The following CCSER1 variants were observed in gnomAD, a reference collection of about 807,000 sequenced individuals.
CCSER1 encodes serine-rich coiled-coil domain-containing protein 1.
In CCSER1, 41 loss-of-function variants were observed where a neutral mutation model predicts 82.0. That is an observed-to-expected ratio of 0.50 (90% confidence interval 0.39 to 0.65). The LOEUF (loss-of-function observed/expected upper bound fraction) is 0.65. Among genes scored for constraint, CCSER1 ranks in the 30% least tolerant of loss-of-function variants. The pLI, the probability that CCSER1 is intolerant of heterozygous loss-of-function variation, is 0.00. For missense variants in CCSER1, 1,119 were observed against 1,064.2 expected, an observed-to-expected ratio of 1.05 and a Z score of -0.72; for synonymous variants, 414 against 383.9, an observed-to-expected ratio of 1.08 and a Z score of -0.92.
chr4:90,311,066 G>A (rs1735203279), intron 2 of CCSER1, among the ~76,000 whole-genome samples: 1 of 151,884 alleles, frequency 6.6e-6, no homozygotes, highest in Non-Finnish European at 1.5e-5. Context: ...GCCCAAAAAT[G>A]TACTAAGAAG....
At chr4:91,173,233 C>T (rs979509102) in intron 10 of CCSER1, among the ~76,000 whole-genome samples, 1 of 152,038 alleles carries the variant, frequency 6.6e-6, no homozygotes, top group African/African-American at 2.4e-5. Context: ...CAAATGTTTG[C>T]CCAAATGATT....
At chr4:91,247,079 A>G (rs1739849920) in intron 10 of CCSER1, among the ~76,000 whole-genome samples, 1 of 151,934 alleles carries the variant, frequency 6.6e-6, no homozygotes, top group Non-Finnish European at 1.5e-5. Context: ...AGGCGGGTGG[A>G]TCACGAGGTC....
At chr4:91,588,434 T>A (rs891854927) in intron 10 of CCSER1, among the ~76,000 whole-genome samples, 1 of 151,676 alleles carries the variant, frequency 6.6e-6, no homozygotes, top group African/African-American at 2.4e-5. Flanking sequence ...AATTCTATGC[T>A]TCTTTAAAAA....
intron 5 of CCSER1, among the ~76,000 whole-genome samples, chr4:90,518,999 A>G (rs1257818761): frequency 1.3e-5 from 2 of 151,920 alleles, no homozygotes; most frequent in Admixed American, 1.3e-4. Flanking sequence ...TAGGATGATA[A>G]GTAGAATTAT....
intron 9 of CCSER1, among the ~76,000 whole-genome samples, chr4:90,975,894 T>C (rs1297601623): frequency 6.6e-6 from 1 of 151,232 alleles, no homozygotes; most frequent in Non-Finnish European, 1.5e-5. Context: ...TTTATTGTTA[T>C]TATATTCCCA....
intron 10 of CCSER1, among the ~76,000 whole-genome samples, chr4:91,515,868 T>C (rs80143474): frequency 2.9e-5 from 4 of 137,492 alleles, no homozygotes; most frequent in Admixed American, 7.1e-5. Context: ...CATCTCTTTT[T>C]TTTTTTTTTT....
chr4:90,241,788 A>G (rs1201021535), intron 1 of CCSER1, among the ~76,000 whole-genome samples: 1 of 152,238 alleles, frequency 6.6e-6, no homozygotes, highest in Non-Finnish European at 1.5e-5. Flanking sequence ...AGAAACTAAT[A>G]CTTAAGTACA....
At chr4:91,356,994 G>A (rs1748881024) in intron 10 of CCSER1, among the ~76,000 whole-genome samples, 1 of 152,112 alleles carries the variant, frequency 6.6e-6, no homozygotes, top group Non-Finnish European at 1.5e-5. Context: ...CCTGCCATGT[G>A]CACAAGCATA....
At chr4:90,480,477 C>G (rs1412332289) in intron 5 of CCSER1, among the ~76,000 whole-genome samples, 1 of 152,070 alleles carries the variant, frequency 6.6e-6, no homozygotes, top group Admixed American at 6.6e-5. Context: ...AATGGTATTG[C>G]CTAGGTTTTC....
intron 10 of CCSER1, among the ~76,000 whole-genome samples, chr4:91,203,722 C>G (rs550517225): frequency 4.6e-5 from 7 of 151,834 alleles, no homozygotes; most frequent in Admixed American, 2.0e-4. Context: ...AAAGTGATAT[C>G]TGAGAAGAAA....
At chr4:91,421,119 G>A (rs921423119) in intron 10 of CCSER1, among the ~76,000 whole-genome samples, 3 of 152,158 alleles carry the variant, frequency 2.0e-5, no homozygotes, top group Non-Finnish European at 4.4e-5. Context: ...TAAGTTCTGG[G>A]GATCACAGCT....
In CCSER1 at chr4:90,942,949, C is replaced by CATAT. The variant is rs35680938; in HGVS notation, c.2172+19515_2172+19518dup. On this transcript the variant is annotated intron_variant, in intron 9 of 10. Transcript: ENST00000509176. The stretch of plus-strand genomic sequence containing the variant: ...ATTATATAATTTTTAAATTATTTTT[C>CATAT]ATATATATATATATATTAAAGGAAG... 7.3e-4 allele frequency among the ~76,000 whole-genome samples: 106 copies of CATAT among 145,136 alleles called. 1 individual carries two copies. Among genetic ancestry groups the CATAT allele is most frequent in the African/African-American group, 9.2e-4 (37 of 40,026 alleles).
intron 6 of CCSER1, among the ~76,000 whole-genome samples, chr4:90,652,181 G>A (rs1317082502): frequency 6.6e-6 from 1 of 152,022 alleles, no homozygotes; most frequent in African/African-American, 2.4e-5. Context: ...TTTTAAAATT[G>A]TAGGTGTATA....
At chr4:91,183,304 G>A (rs925302270) in intron 10 of CCSER1, among the ~76,000 whole-genome samples, 3 of 151,890 alleles carry the variant, frequency 2.0e-5, no homozygotes, top group African/African-American at 7.3e-5. Context: ...CCGTTTTTGA[G>A]CTGAAGGATA....
At chr4:91,018,403 A>G (rs1346321960) in intron 9 of CCSER1, among the ~76,000 whole-genome samples, 1 of 152,104 alleles carries the variant, frequency 6.6e-6, no homozygotes. Context: ...CATTTGTACT[A>G]CTAAGCTTCC....
chr4:90,842,854 C>A (rs1463073163), intron 8 of CCSER1, among the ~76,000 whole-genome samples: 5 of 151,994 alleles, frequency 3.3e-5, no homozygotes, highest in Non-Finnish European at 5.9e-5. Flanking sequence ...GTCATTCTTG[C>A]ATTATTAATG....
intron 9 of CCSER1, among the ~76,000 whole-genome samples, chr4:91,071,518 A>G (rs1721432162): frequency 6.6e-6 from 1 of 152,184 alleles, no homozygotes; most frequent in South Asian, 2.1e-4. Flanking sequence ...AGAACTATCA[A>G]GAGAGTCATA....
intron 10 of CCSER1, among the ~76,000 whole-genome samples, chr4:91,238,554 A>G (rs1739197117): frequency 6.6e-6 from 1 of 152,186 alleles, no homozygotes; most frequent in Admixed American, 6.5e-5. Flanking sequence ...GTTCACAGAA[A>G]TAAAAATCTA....
chr4:90,815,477 A>G (rs189189653), intron 7 of CCSER1, among the ~76,000 whole-genome samples: 8 of 152,188 alleles, frequency 5.3e-5, no homozygotes, highest in African/African-American at 1.9e-4. Context: ...TCGATAGAGG[A>G]ATACCAAAAA....
Sources: gnomAD v4.1 joint callset for allele counts (sites outside exome capture counted in the v4.1 genomes callset) on GRCh38, gnomAD v4.1.1 for gene constraint, MANE v1.5 for transcripts, NCBI Gene and HGNC (gene_info 2026-07-23, HGNC 2026-07-21) for gene names.